Variants in FRMPD1 observed in about 807,000 individuals in gnomAD.
FRMPD1 encodes the protein FERM and PDZ domain-containing protein 1.
FRMPD1 carries 76 observed loss-of-function variants against 117.8 expected under a neutral mutation model. The observed-to-expected ratio is 0.65, with a 90% CI of 0.54 to 0.78. FRMPD1 has a LOEUF of 0.78. Ranked by LOEUF, FRMPD1 falls within the 30% of genes least tolerant of loss-of-function variation. The pLI is 0.00. For synonymous variants in FRMPD1, 783 were observed against 770.4 expected (o/e 1.02, Z -0.27); for missense variants, 1,786 against 1,964.5 (o/e 0.91, Z 1.72).
At chr9:37,702,342 T>G (rs1289566373) in intron 2 of FRMPD1, among the ~76,000 whole-genome samples, 1 of 152,150 alleles carries the variant, frequency 6.6e-6, no homozygotes, top group Non-Finnish European at 1.5e-5. Flanking sequence ...AATACAGAGG[T>G]GGACAAAATG....
chr9:37,729,880 G>C (rs757666959), intron 8 of FRMPD1, 27 bp downstream of exon 8: 1 of 1,609,066 alleles, frequency 6.2e-7, no homozygotes, highest in East Asian at 2.2e-5. Context: ...GCCTGTTCCT[G>C]GGAGGCATGG....
chr9:37,694,683 C>T (rs533416527), intron 2 of FRMPD1, among the ~76,000 whole-genome samples: 10 of 152,256 alleles, frequency 6.6e-5, no homozygotes, highest in African/African-American at 1.2e-4. Context: ...ACTGCAGGCG[C>T]GTGCCACCAT....
Position 37,740,241 on chromosome 9 carries a change from G to A in FRMPD1, c.1713G>A (p.Arg571=). ...GNSPTPEVAR[R]GPSTCGASST... ...GCCCCACACCTGAGGTGGCTAGGAG[G>A]GGCCCCAGCACCTGCGGGGCCAGCA... is the stretch of plus-strand genomic sequence containing the variant. The change falls in exon 15 of 16, where the codon AGG becomes AGA. Residue 571 remains arginine (R), a synonymous_variant. Coordinates refer to ENST00000377765, the MANE Select transcript of FRMPD1 (RefSeq NM_014907.3). The surrounding 1 kb of genome is among the most constrained non-coding windows in gnomAD (Gnocchi z 4.2). 1 of 1,613,964 alleles carries A rather than the reference G, an allele frequency of 6.2e-7. No individual in the cohort carries two copies. Among genetic ancestry groups the A allele is most frequent in the Non-Finnish European group, 8.5e-7 (1 of 1,179,982 alleles).
chr9:37,660,986 G>C (rs570712828), intron 1 of FRMPD1, among the ~76,000 whole-genome samples: 1 of 152,356 alleles, frequency 6.6e-6, no homozygotes, highest in East Asian at 1.9e-4. Context: ...TAAGTCAAGA[G>C]CATATGTGGG....
At chr9:37,637,922 C>A in the FRMPD1 span, among the ~76,000 whole-genome samples, 1 of 127,392 alleles carries the variant, frequency 7.8e-6, no homozygotes, top group African/African-American at 2.6e-5. Flanking sequence ...CCCACAACAA[C>A]GGTGGGATTT....
At chr9:37,608,536 TCTCA>T in the FRMPD1 span, among the ~76,000 whole-genome samples, 1 of 151,858 alleles carries the variant, frequency 6.6e-6, no homozygotes, top group Non-Finnish European at 1.5e-5. Context: ...GGGTAGTTGG[TCTCA>T]CTATGTTGCC....
intron 2 of FRMPD1, among the ~76,000 whole-genome samples, chr9:37,697,235 C>T (rs1822351047): frequency 6.6e-6 from 1 of 152,132 alleles, no homozygotes; most frequent in African/African-American, 2.4e-5. Context: ...ATAAGGATGA[C>T]TCCTCTGTTA....
rs1364515441 is a variant in FRMPD1, at chr9:37,744,660, C to A, written c.2628C>A (p.Ala876=). 9.9e-6 allele frequency: 16 copies of A among 1,614,034 alleles called. No homozygotes were observed. Among genetic ancestry groups the A allele is most frequent in the Non-Finnish European group, 1.4e-5 (16 of 1,179,988 alleles). Residue 876 remains alanine, a synonymous_variant, in exon 16 of 16, where the codon GCC becomes GCA. Coordinates refer to ENST00000377765, the MANE Select transcript of FRMPD1 (RefSeq NM_014907.3). ...ACTATGACAGGGAGCCCTACCTGGCCCTTGGTGCACCCTCCCCAACTGTGT... is the reference window on the plus strand; with the variant it reads ...ACTATGACAGGGAGCCCTACCTGGCACTTGGTGCACCCTCCCCAACTGTGT... ...VCYYDREPYL[A]LGAPSPTVSS... is the part of the protein sequence containing the mutation.
At chr9:37,670,352 T>G (rs7048512) in intron 1 of FRMPD1, among the ~76,000 whole-genome samples, 15,860 of 152,008 alleles carry the variant, frequency 0.1, 1,255 homozygotes, top group African/African-American at 0.22. Context: ...TTTAGTAAAA[T>G]GGTTGTGGAA....
intron 5 of FRMPD1, among the ~76,000 whole-genome samples, chr9:37,712,013 A>G (rs1323887180): frequency 6.6e-6 from 1 of 152,208 alleles, no homozygotes; most frequent in African/African-American, 2.4e-5. Flanking sequence ...GAAAATTTTC[A>G]TTGTGAGAAA....
the FRMPD1 span, among the ~76,000 whole-genome samples, chr9:37,643,778 G>A: frequency 2.0e-5 from 3 of 152,140 alleles, no homozygotes; most frequent in Non-Finnish European, 2.9e-5. Flanking sequence ...ATAGTTCAGC[G>A]ATCATGAAAG....
At chr9:37,653,084 G>A (rs1222708346) in intron 1 of FRMPD1, among the ~76,000 whole-genome samples, 1 of 152,198 alleles carries the variant, frequency 6.6e-6, no homozygotes, top group Non-Finnish European at 1.5e-5. Context: ...CACAGAGAAG[G>A]CAGAGCACTT....
chr9:37,727,205 G>T (rs552136866), intron 7 of FRMPD1, among the ~76,000 whole-genome samples: 31 of 152,196 alleles, frequency 2.0e-4, no homozygotes, highest in African/African-American at 7.0e-4. Flanking sequence ...GCCATCAAGA[G>T]CCACTGAACG....
rs545237710 is a variant in FRMPD1 at position 37,720,638 on chromosome 9, G to A, written c.516+1462G>A. On this transcript the variant is annotated intron_variant, in intron 6 of 15. Coordinates refer to ENST00000377765, the MANE Select transcript of FRMPD1 (RefSeq NM_014907.3). ...GAGCCGAGATCGCGCCACTGCACTCGAGCCTGGGCGACAAAGCCAGACTCC... is the reference window on the plus strand; with the variant it reads ...GAGCCGAGATCGCGCCACTGCACTCAAGCCTGGGCGACAAAGCCAGACTCC... Among the ~76,000 whole-genome samples, 48 of 150,344 alleles carry A rather than the reference G, an allele frequency of 3.2e-4. 1 individual carries two copies. In the South Asian group the frequency reaches 9.9e-3, roughly 31 times the overall value.
intron 1 of FRMPD1, among the ~76,000 whole-genome samples, chr9:37,676,153 T>C (rs1821522047): frequency 6.6e-6 from 1 of 152,164 alleles, no homozygotes; most frequent in Admixed American, 6.5e-5. Flanking sequence ...TGGCCTGTGG[T>C]TTATACTCAC....
At chr9:37,633,935 T>C in the FRMPD1 span, among the ~76,000 whole-genome samples, 2 of 152,188 alleles carry the variant, frequency 1.3e-5, no homozygotes, top group Admixed American at 6.5e-5. Context: ...CCCACCATAA[T>C]AGAGGTGTTT....
chr9:37,659,927 A>AAC (rs1178771239), intron 1 of FRMPD1, among the ~76,000 whole-genome samples: 188 of 150,404 alleles, frequency 1.2e-3, no homozygotes, highest in Admixed American at 3.6e-3. Context: ...AAAAAAAAAA[A>AAC]AAAAAAACAA....
At position 37,744,477 on chromosome 9, in the gene FRMPD1, T is replaced by C; in HGVS notation, c.2445T>C (p.Cys815=). ...STSSPENSLP[C]GPDGRQPSRR... ...CTAGCCCTGAGAACAGCCTGCCTTGTGGGCCAGATGGAAGACAGCCAAGCA... is the reference window on the plus strand; with the variant it reads ...CTAGCCCTGAGAACAGCCTGCCTTGCGGGCCAGATGGAAGACAGCCAAGCA... Residue 815 remains cysteine, a synonymous_variant, in exon 16 of 16, where the codon TGT becomes TGC. Transcript: ENST00000377765. 6.2e-7 allele frequency: 1 copy of C among 1,614,046 alleles called. No homozygotes were observed. The highest frequency in any genetic ancestry group is 8.5e-7 in the Non-Finnish European group (1 of 1,179,984).
At position 37,740,514 on chromosome 9, in the gene FRMPD1, C is replaced by T; in HGVS notation, c.1986C>T (p.Ala662=). The change falls in exon 15 of 16, where the codon GCC becomes GCT. Residue 662 remains alanine (A), a synonymous_variant. Coordinates refer to ENST00000377765, the MANE Select transcript of FRMPD1 (RefSeq NM_014907.3). This position sits in a 1 kb window ranked among gnomAD's most constrained non-coding sequence, Gnocchi z 4.2. ...TSGFLCLLDL[A]QRANPQCQKT... Reference sequence around the variant, plus strand: ...GCTTCCTCTGTCTCCTGGACCTGGCCCAGAGAGCCAACCCCCAGTGCCAGA... The same window carrying T: ...GCTTCCTCTGTCTCCTGGACCTGGCTCAGAGAGCCAACCCCCAGTGCCAGA... 6.2e-7 allele frequency: 1 copy of T among 1,614,092 alleles called. No individual in the cohort carries two copies. Among genetic ancestry groups the T allele is most frequent in the Non-Finnish European group, 8.5e-7 (1 of 1,179,950 alleles).
Sources: allele counts gnomAD v4.1 joint callset (sites outside exome capture counted in the v4.1 genomes callset), GRCh38; gene constraint gnomAD v4.1.1; non-coding constraint Gnocchi (gnomAD v3.1); transcripts MANE v1.5; gene names NCBI Gene and HGNC (gene_info 2026-07-23, HGNC 2026-07-21).